Variants in GRM7 observed in about 807,000 individuals in gnomAD.
The protein encoded by GRM7 is glutamate metabotropic receptor 7, also known as metabotropic glutamate receptor 7.
Under a neutral mutation model 84.5 loss-of-function variants are expected in GRM7, and 35 were observed. The ratio of observed to expected loss-of-function variants is 0.41; its 90% CI spans 0.32 to 0.55. The LOEUF is 0.55. Among genes scored for constraint, GRM7 ranks in the 20% least tolerant of loss-of-function variants. The pLI, the probability that GRM7 is intolerant of heterozygous loss-of-function variation, is 0.19. For missense variants in GRM7, 1,003 were observed against 1,194.6 expected, an observed-to-expected ratio of 0.84 and a Z score of 2.36; for synonymous variants, 487 against 455.1, an observed-to-expected ratio of 1.07 and a Z score of -0.89.
intron 7 of GRM7, among the ~76,000 whole-genome samples, chr3:7,500,650 G>T (rs1455867958): frequency 3.3e-5 from 5 of 152,244 alleles, no homozygotes; most frequent in Admixed American, 6.5e-5. Context: ...TTGGATTGTT[G>T]TTTGTCAAAT....
chr3:7,409,765 G>A (rs532936309), intron 4 of GRM7, among the ~76,000 whole-genome samples: 6 of 151,752 alleles, frequency 4.0e-5, no homozygotes, highest in South Asian at 2.1e-4. Flanking sequence ...CACGCCCGGC[G>A]AATTTTTTGT....
intron 2 of GRM7, among the ~76,000 whole-genome samples, chr3:7,286,626 T>C (rs1235853069): frequency 2.0e-5 from 3 of 152,174 alleles, no homozygotes; most frequent in South Asian, 2.1e-4. Flanking sequence ...CTGAATTTTT[T>C]TGTGACCCCA....
chr3:7,395,003 A>C (rs1348095212), intron 4 of GRM7, among the ~76,000 whole-genome samples: 2 of 149,676 alleles, frequency 1.3e-5, no homozygotes, highest in African/African-American at 4.9e-5. Flanking sequence ...GCGCCATTGC[A>C]CTCCAGCCTG....
intron 4 of GRM7, among the ~76,000 whole-genome samples, chr3:7,359,092 A>ACTCAGTCCACGCCT (rs1693542995): frequency 1.4e-5 from 2 of 139,796 alleles, no homozygotes; most frequent in African/African-American, 2.8e-5. Context: ...AGCCTGAGTG[A>ACTCAGTCCACGCCT]TAGAGTGAGA....
At chr3:6,931,280 T>C (rs1010437649) in intron 1 of GRM7, among the ~76,000 whole-genome samples, 1 of 152,134 alleles carries the variant, frequency 6.6e-6, no homozygotes, top group African/African-American at 2.4e-5. Flanking sequence ...CTAGCCATAG[T>C]GGAGAATGCC....
chr3:7,714,729 T>G (rs1166721538), intron 9 of GRM7, among the ~76,000 whole-genome samples: 1 of 152,226 alleles, frequency 6.6e-6, no homozygotes. Flanking sequence ...CGTAATTTCC[T>G]CTGTGGATAA....
chr3:6,882,550 A>G lies in GRM7; in HGVS notation c.519+20643A>G, dbSNP rs1017572473. ...AACACAGCAAGACCTTGTTTCCCAA[A>G]AAAAAAATAAAAAGTATAAATAACT... On this transcript the variant is annotated intron_variant, in intron 1 of 9. Coordinates refer to ENST00000357716, the MANE Select transcript of GRM7 (RefSeq NM_000844.4). Among the ~76,000 whole-genome samples the G allele has an allele frequency of 3.3e-5, 5 of 152,240 alleles. No homozygotes were observed. The South Asian group carries it at 8.3e-4, about 25-fold the overall frequency.
At chr3:7,302,317 A>G (rs1020542818) in intron 3 of GRM7, among the ~76,000 whole-genome samples, 8 of 152,172 alleles carry the variant, frequency 5.3e-5, no homozygotes, top group South Asian at 2.1e-4. Context: ...AAGATCACAT[A>G]GAATTTTGTC....
intron 1 of GRM7, among the ~76,000 whole-genome samples, chr3:7,113,768 T>C (rs2125037089): frequency 6.6e-6 from 1 of 152,268 alleles, no homozygotes; most frequent in East Asian, 1.9e-4. Context: ...TCCCAACTCA[T>C]GAGCCATCAC....
chr3:7,533,730 C>T (rs922849979), intron 7 of GRM7, among the ~76,000 whole-genome samples: 4 of 152,140 alleles, frequency 2.6e-5, no homozygotes, highest in Non-Finnish European at 5.9e-5. Flanking sequence ...ATAGGAGACT[C>T]AATGAAGTGA....
chr3:6,966,363 A>ATGCAAGAT (rs555367685), intron 1 of GRM7, among the ~76,000 whole-genome samples: 157 of 152,326 alleles, frequency 1.0e-3, no homozygotes, highest in African/African-American at 3.6e-3. Context: ...AAATGTAAGG[A>ATGCAAGAT]TGCAAGGTTG....
intron 8 of GRM7, among the ~76,000 whole-genome samples, chr3:7,627,993 A>T (rs1468443984): frequency 6.6e-6 from 1 of 152,142 alleles, no homozygotes; most frequent in East Asian, 1.9e-4. Context: ...GAGAGACAAG[A>T]GAGACAAATC....
intron 4 of GRM7, among the ~76,000 whole-genome samples, chr3:7,334,756 G>A (rs1304935599): frequency 2.6e-5 from 4 of 152,066 alleles, no homozygotes; most frequent in South Asian, 2.1e-4. Context: ...AACCAAAAGC[G>A]AGCAGAAGTA....
At chr3:7,240,307 T>C (rs1447146645) in intron 2 of GRM7, among the ~76,000 whole-genome samples, 7 of 151,214 alleles carry the variant, frequency 4.6e-5, no homozygotes, top group Non-Finnish European at 8.8e-5. Context: ...CTTGTGATAG[T>C]GAGGGGCCAA....
At chr3:7,624,680 T>C (rs903635621) in intron 8 of GRM7, among the ~76,000 whole-genome samples, 2 of 152,184 alleles carry the variant, frequency 1.3e-5, no homozygotes, top group African/African-American at 4.8e-5. Context: ...TAATAATATA[T>C]GGGAAGTGCC....
At chr3:7,064,479 T>TATATATATATATATATAC in intron 1 of GRM7, among the ~76,000 whole-genome samples, 7 of 99,382 alleles carry the variant, frequency 7.0e-5, no homozygotes, top group East Asian at 2.6e-4. Flanking sequence ...TATATATATA[T>TATATATATATATATATAC]ACACACATAT....
chr3:6,901,308 G>T (rs1425936639), intron 1 of GRM7, among the ~76,000 whole-genome samples: 1 of 152,134 alleles, frequency 6.6e-6, no homozygotes, highest in Non-Finnish European at 1.5e-5. Flanking sequence ...GCAATAAGAA[G>T]ATTTATGTAG....
At chr3:7,572,824 ATATATATATATATATATATATAT>A (rs1232585232) in intron 7 of GRM7, among the ~76,000 whole-genome samples, 1 of 59,700 alleles carries the variant, frequency 1.7e-5, no homozygotes, top group Non-Finnish European at 3.4e-5. Context: ...TCTATCTCAA[ATATATATATATATATATATATAT>A]ATATATATAT....
intron 2 of GRM7, among the ~76,000 whole-genome samples, chr3:7,293,721 G>A (rs1202718341): frequency 6.6e-6 from 1 of 152,198 alleles, no homozygotes; most frequent in East Asian, 1.9e-4. Flanking sequence ...GTATGTGTGT[G>A]TCTGTGGGCC....
Sources: gnomAD v4.1 joint callset for allele counts (sites outside exome capture counted in the v4.1 genomes callset) on GRCh38, gnomAD v4.1.1 for gene constraint, MANE v1.5 for transcripts, NCBI Gene and HGNC (gene_info 2026-07-23, HGNC 2026-07-21) for gene names.